Variants in CLNK observed in about 807,000 individuals in gnomAD.
CLNK encodes the protein cytokine-dependent hematopoietic cell linker.
In CLNK, 74 loss-of-function variants were observed where a neutral mutation model predicts 68.6. That is an observed-to-expected ratio of 1.08 (90% CI 0.89 to 1.31). The LOEUF (loss-of-function observed/expected upper bound fraction) is 1.31, where lower values mean the gene tolerates loss of function less well. Among genes scored for constraint, CLNK ranks in the 50% most tolerant of loss-of-function variants. The pLI, the probability that CLNK is intolerant of heterozygous loss-of-function variation, is 0.00. For missense variants in CLNK, 553 were observed against 515.3 expected (o/e 1.07, Z -0.71); for synonymous variants, 198 against 172.2 (o/e 1.15, Z -1.17).
At chr4:10,594,162 G>A (rs191242267) in intron 3 of CLNK, among the ~76,000 whole-genome samples, 2 of 152,274 alleles carry the variant, frequency 1.3e-5, no homozygotes, top group South Asian at 2.1e-4. Flanking sequence ...ACTATGTCTC[G>A]TTCATCTTTG....
intron 2 of CLNK, among the ~76,000 whole-genome samples, chr4:10,651,535 C>G (rs1723735781): frequency 6.6e-6 from 1 of 152,118 alleles, no homozygotes; most frequent in Non-Finnish European, 1.5e-5. Context: ...ACATCACACA[C>G]TGGGGCCTGA....
chr4:10,542,532 C>T (rs1229388502), intron 8 of CLNK, among the ~76,000 whole-genome samples: 1 of 152,078 alleles, frequency 6.6e-6, no homozygotes, highest in African/African-American at 2.4e-5. Context: ...CACCTACACT[C>T]ACCCAGCGAG....
At chr4:10,666,869 G>A (rs939022308) in intron 2 of CLNK, among the ~76,000 whole-genome samples, 10 of 152,136 alleles carry the variant, frequency 6.6e-5, no homozygotes, top group African/African-American at 2.4e-4. Context: ...ACACCTGTGG[G>A]CATCCATGGG....
intron 6 of CLNK, among the ~76,000 whole-genome samples, chr4:10,565,774 C>T (rs577943739): frequency 1.8e-4 from 28 of 152,156 alleles, no homozygotes; most frequent in African/African-American, 6.5e-4. Flanking sequence ...ACTCAACATG[C>T]GTCATTCACA....
chr4:10,729,846 A>T, the CLNK span, among the ~76,000 whole-genome samples: 1 of 152,256 alleles, frequency 6.6e-6, no homozygotes, highest in African/African-American at 2.4e-5. Flanking sequence ...TAAATGTTTA[A>T]GGTATAATTC....
At chr4:10,537,641 T>TTCTC (rs1560206787) in intron 11 of CLNK, among the ~76,000 whole-genome samples, 1 of 57,828 alleles carries the variant, frequency 1.7e-5, no homozygotes, top group Non-Finnish European at 3.3e-5. Flanking sequence ...TTCTTTCTCT[T>TTCTC]TCTTTCTTTC....
At chr4:10,556,522 A>T (rs554178591) in intron 8 of CLNK, among the ~76,000 whole-genome samples, 1 of 152,326 alleles carries the variant, frequency 6.6e-6, no homozygotes, top group East Asian at 1.9e-4. Flanking sequence ...TCTGCAGCCG[A>T]AGAAGTGAGA....
intron 2 of CLNK, among the ~76,000 whole-genome samples, chr4:10,621,357 T>C (rs1269354899): frequency 1.3e-5 from 2 of 152,158 alleles, no homozygotes; most frequent in African/African-American, 2.4e-5. Context: ...TACCGGAAGA[T>C]AGCTGACATG....
At chr4:10,698,634 C>G in the CLNK span, among the ~76,000 whole-genome samples, 13 of 152,148 alleles carry the variant, frequency 8.5e-5, no homozygotes, top group Non-Finnish European at 1.9e-4. Flanking sequence ...TTTTCACCCC[C>G]CAACCAAAAT....
intron 3 of CLNK, among the ~76,000 whole-genome samples, chr4:10,597,388 A>T (rs1004326): frequency 0.69 from 104,604 of 151,968 alleles, 36,807 homozygotes; most frequent in East Asian, 0.77. Context: ...TCTTGTCTCT[A>T]GTCAGTAATT....
chr4:10,693,685 G>C, the CLNK span, among the ~76,000 whole-genome samples: 1 of 152,192 alleles, frequency 6.6e-6, no homozygotes, highest in South Asian at 2.1e-4. Context: ...GCCTGATACA[G>C]AGCCATACAT....
chr4:10,620,646 CCTT>C (rs1254907819), intron 2 of CLNK, among the ~76,000 whole-genome samples: 1 of 152,148 alleles, frequency 6.6e-6, no homozygotes, highest in Non-Finnish European at 1.5e-5. Flanking sequence ...CCCAGTTCTG[CCTT>C]CTTTAGCGTG....
chr4:10,523,393 T>C (rs1187012433), intron 14 of CLNK, among the ~76,000 whole-genome samples: 1 of 152,132 alleles, frequency 6.6e-6, no homozygotes, highest in African/African-American at 2.4e-5. Context: ...GATAGGGATT[T>C]GGGAATTATC....
At chr4:10,624,943 T>C (rs1278990347) in intron 2 of CLNK, among the ~76,000 whole-genome samples, 1 of 152,164 alleles carries the variant, frequency 6.6e-6, no homozygotes, top group Non-Finnish European at 1.5e-5. Context: ...TTTTCTCGAT[T>C]CTGTTTCCCT....
At chr4:10,598,973 C>G (rs1045262953) in intron 2 of CLNK, among the ~76,000 whole-genome samples, 3 of 152,210 alleles carry the variant, frequency 2.0e-5, no homozygotes, top group African/African-American at 7.2e-5. Flanking sequence ...ATCAGATGCC[C>G]TTGTCTTCCT....
rs376915332 is a variant in CLNK, at chr4:10,493,507, G to A, written c.1141-2894C>T. Among the ~76,000 whole-genome samples, 8 of 152,146 alleles carry A rather than the reference G, an allele frequency of 5.3e-5. 1 individual carries two copies. The highest frequency in any genetic ancestry group is 3.9e-4 in the Admixed American group (6 of 15,268). ...CAAAGAGCAATGCACTCTTTTACAAGGGAACGAATCTCATCTGTGAGGGCT... is the reference window on the plus strand; with the variant it reads ...CAAAGAGCAATGCACTCTTTTACAAAGGAACGAATCTCATCTGTGAGGGCT... On this transcript the variant is annotated intron_variant, in intron 18 of 18. Coordinates refer to ENST00000226951, the MANE Select transcript of CLNK (RefSeq NM_052964.4).
At chr4:10,603,662 G>A (rs1158606958) in intron 2 of CLNK, among the ~76,000 whole-genome samples, 1 of 152,210 alleles carries the variant, frequency 6.6e-6, no homozygotes. Flanking sequence ...TTGCAACAGA[G>A]GCCTCAGCGG....
At chr4:10,672,891 A>G (rs996328119) in intron 1 of CLNK, among the ~76,000 whole-genome samples, 1 of 152,186 alleles carries the variant, frequency 6.6e-6, no homozygotes, top group African/African-American at 2.4e-5. Context: ...GCACCAAATA[A>G]TCACATGTTC....
At chr4:10,516,151 T>G (rs1717826950) in intron 15 of CLNK, among the ~76,000 whole-genome samples, 1 of 152,180 alleles carries the variant, frequency 6.6e-6, no homozygotes, top group Non-Finnish European at 1.5e-5. Flanking sequence ...TTTTGGTAAT[T>G]TTAAGCAAGG....
Sources: allele counts gnomAD v4.1 joint callset (sites outside exome capture counted in the v4.1 genomes callset), GRCh38; gene constraint gnomAD v4.1.1; transcripts MANE v1.5; gene names NCBI Gene and HGNC (gene_info 2026-07-23, HGNC 2026-07-21).